Variants in CDH18 observed in about 807,000 individuals in gnomAD.
CDH18 encodes cadherin-18.
Under a neutral mutation model 67.9 loss-of-function variants are expected in CDH18, and 31 were observed. The ratio of observed to expected loss-of-function variants is 0.46; its 90% CI spans 0.34 to 0.62. The LOEUF (loss-of-function observed/expected upper bound fraction) is 0.62, where lower values mean the gene tolerates loss of function less well. Ranked by LOEUF, CDH18 falls within the 20% of genes least tolerant of loss-of-function variation. CDH18 has a pLI of 0.01. For missense variants in CDH18, 890 were observed against 975.5 expected, an observed-to-expected ratio of 0.91 and a Z score of 1.17; for synonymous variants, 362 against 347.2, an observed-to-expected ratio of 1.04 and a Z score of -0.48.
chr5:20,507,765 A>C (rs2126470800), intron 1 of CDH18, among the ~76,000 whole-genome samples: 1 of 152,296 alleles, frequency 6.6e-6, no homozygotes, highest in South Asian at 2.1e-4. Flanking sequence ...AAGGAAAGAT[A>C]GATTTTCTCC....
intron 1 of CDH18, among the ~76,000 whole-genome samples, chr5:20,536,509 T>G (rs1756732460): frequency 6.6e-6 from 1 of 152,168 alleles, no homozygotes; most frequent in African/African-American, 2.4e-5. Flanking sequence ...CCCTCATGCT[T>G]CTGGTGCTGT....
chr5:19,502,962 A>G (rs1358790166), intron 11 of CDH18, 30 bp downstream of exon 11: 1 of 1,239,340 alleles, frequency 8.1e-7, no homozygotes, highest in Non-Finnish European at 1.2e-6. Context: ...GATACCACAT[A>G]GATAAACAAA....
intron 2 of CDH18, among the ~76,000 whole-genome samples, chr5:19,979,573 G>A (rs11738079): frequency 0.43 from 64,873 of 151,834 alleles, 16,156 homozygotes; most frequent in Middle Eastern, 0.66. Flanking sequence ...AATTGAGGTT[G>A]ACAGGAAACA....
At chr5:20,397,297 AT>A (rs1419942245) in intron 1 of CDH18, among the ~76,000 whole-genome samples, 1 of 151,638 alleles carries the variant, frequency 6.6e-6, no homozygotes, top group Non-Finnish European at 1.5e-5. Flanking sequence ...CGCCCGGCTA[AT>A]TTTTTGTATT....
intron 2 of CDH18, among the ~76,000 whole-genome samples, chr5:19,969,517 A>T (rs1055077098): frequency 1.1e-4 from 16 of 150,498 alleles, no homozygotes; most frequent in African/African-American, 3.9e-4. Flanking sequence ...TGCAGCCATA[A>T]AAAATGATGA....
At position 19,849,524 on chromosome 5, in the gene CDH18, G is replaced by A. The variant is rs190746797; in HGVS notation, c.-256-10282C>T. Among the ~76,000 whole-genome samples the A allele has an allele frequency of 7.4e-4, 112 of 151,086 alleles. 3 individuals are homozygous for A. The highest frequency in any genetic ancestry group is 2.6e-3 in the African/African-American group (106 of 41,182). On this transcript the variant is annotated intron_variant, in intron 2 of 12. Coordinates refer to ENST00000382275, the MANE Select transcript of CDH18 (RefSeq NM_004934.5). Reference sequence around the variant, plus strand: ...CAATACCCAGATGCCATAAATGTACGCTTTGTGTTGAATTTGTTAATATTT... The same window carrying A: ...CAATACCCAGATGCCATAAATGTACACTTTGTGTTGAATTTGTTAATATTT...
chr5:20,246,216 C>T (rs905299280), intron 2 of CDH18, among the ~76,000 whole-genome samples: 4 of 152,100 alleles, frequency 2.6e-5, no homozygotes, highest in Admixed American at 1.3e-4. Flanking sequence ...TGTACAGAGG[C>T]CATGCTATTC....
intron 2 of CDH18, among the ~76,000 whole-genome samples, chr5:20,084,550 G>A (rs1162917089): frequency 2.6e-5 from 4 of 152,120 alleles, no homozygotes; most frequent in African/African-American, 9.7e-5. Context: ...ACTCTGTGTG[G>A]GGACTCTGAC....
chr5:20,468,600 G>A (rs1005187026), intron 1 of CDH18, among the ~76,000 whole-genome samples: 2 of 152,066 alleles, frequency 1.3e-5, no homozygotes, highest in African/African-American at 4.8e-5. Context: ...AATATTAACT[G>A]TTAAATTTTC....
chr5:20,508,527 A>T (rs2126473924), intron 1 of CDH18, among the ~76,000 whole-genome samples: 1 of 151,554 alleles, frequency 6.6e-6, no homozygotes, highest in Middle Eastern at 3.4e-3. Flanking sequence ...ATAAGAAAAT[A>T]ATTTTTTGTG....
intron 1 of CDH18, among the ~76,000 whole-genome samples, chr5:20,570,448 GATCT>G (rs1327294916): frequency 2.0e-5 from 3 of 152,070 alleles, no homozygotes; most frequent in Non-Finnish European, 4.4e-5. Flanking sequence ...CTCACTACTG[GATCT>G]TCTCTCATTT....
At position 20,488,394 on chromosome 5, in the gene CDH18, C is replaced by T. The variant is rs28607688; in HGVS notation, c.-580+87068G>A. 3.5e-3 allele frequency among the ~76,000 whole-genome samples: 538 copies of T among 152,058 alleles called. 4 individuals are homozygous for T. Among genetic ancestry groups the T allele is most frequent in the African/African-American group, 0.012 (498 of 41,496 alleles). On this transcript the variant is annotated intron_variant, in intron 1 of 14. Coordinates refer to the CDH18 transcript ENST00000507958. ...CAAGGTGAGTCAGTCTTTCACTGAGCTCAGTGTGGTGTGTCATGCAGGGGA... is the reference window on the plus strand; with the variant it reads ...CAAGGTGAGTCAGTCTTTCACTGAGTTCAGTGTGGTGTGTCATGCAGGGGA...
chr5:20,481,308 A>C (rs751288861), intron 1 of CDH18, among the ~76,000 whole-genome samples: 30 of 152,288 alleles, frequency 2.0e-4, no homozygotes, highest in Non-Finnish European at 3.4e-4. Flanking sequence ...ATATGCAGTC[A>C]AAATCCGAGG....
intron 2 of CDH18, among the ~76,000 whole-genome samples, chr5:19,915,503 A>G (rs1379658380): frequency 2.6e-5 from 4 of 152,084 alleles, no homozygotes; most frequent in Non-Finnish European, 5.9e-5. Flanking sequence ...CGAACAGCCT[A>G]CTGTTGACTG....
At chr5:20,154,124 C>A (rs1243142831) in intron 2 of CDH18, among the ~76,000 whole-genome samples, 1 of 152,132 alleles carries the variant, frequency 6.6e-6, no homozygotes, top group Non-Finnish European at 1.5e-5. Context: ...GTACTCTTAA[C>A]CTTGGAGAGA....
intron 2 of CDH18, among the ~76,000 whole-genome samples, chr5:20,174,392 G>T (rs1490925758): frequency 6.6e-6 from 1 of 152,128 alleles, no homozygotes; most frequent in African/African-American, 2.4e-5. Context: ...GTGTTATTGA[G>T]CAACTGCTGT....
At chr5:20,492,094 A>G (rs1753624788) in intron 1 of CDH18, among the ~76,000 whole-genome samples, 1 of 152,090 alleles carries the variant, frequency 6.6e-6, no homozygotes, top group African/African-American at 2.4e-5. Flanking sequence ...AATTTTGATA[A>G]ACAAATTATT....
chr5:19,482,409 C>G (rs1245702022), intron 12 of CDH18, among the ~76,000 whole-genome samples: 1 of 152,082 alleles, frequency 6.6e-6, no homozygotes, highest in Non-Finnish European at 1.5e-5. Flanking sequence ...AGCCACCGCA[C>G]CTGGCCAAAA....
chr5:19,781,619 G>T (rs1015775319), intron 3 of CDH18, among the ~76,000 whole-genome samples: 1 of 152,000 alleles, frequency 6.6e-6, no homozygotes, highest in Non-Finnish European at 1.5e-5. Flanking sequence ...TTTAACATAA[G>T]ATTTTATTAC....
Sources: allele counts gnomAD v4.1 joint callset (sites outside exome capture counted in the v4.1 genomes callset), GRCh38; gene constraint gnomAD v4.1.1; transcripts MANE v1.5; gene names NCBI Gene and HGNC (gene_info 2026-07-23, HGNC 2026-07-21).